Variants in PKD1L1 observed in about 807,000 individuals in gnomAD.
The protein encoded by PKD1L1 is polycystin 1 like 1, transient receptor potential channel interacting.
In PKD1L1, 236 loss-of-function variants were observed where a neutral mutation model predicts 323.4. The observed-to-expected ratio is 0.73, with a 90% CI of 0.66 to 0.81. The LOEUF (loss-of-function observed/expected upper bound fraction) is 0.81. Ranked by LOEUF, PKD1L1 falls within the 40% of genes least tolerant of loss-of-function variation. PKD1L1 has a pLI of 0.00. For synonymous variants in PKD1L1, 1,344 were observed against 1,335.0 expected (o/e 1.01, Z -0.15); for missense variants, 3,320 against 3,508.0 (o/e 0.95, Z 1.35).
At position 47,905,278 on chromosome 7, in the gene PKD1L1, T is replaced by A. The variant is rs753122945; in HGVS notation, c.1570A>T (p.Ile524Phe). The A allele has an allele frequency of 6.2e-7, 1 of 1,614,184 alleles. No homozygotes were observed. The highest frequency in any genetic ancestry group is 1.1e-5 in the South Asian group (1 of 91,074). Reference sequence around the variant, plus strand: ...TCCTTGGTAACAGCTGTAAATGTAATGTCTGTGTCTGTGGCAAACACAGTT... The same window carrying A: ...TCCTTGGTAACAGCTGTAAATGTAAAGTCTGTGTCTGTGGCAAACACAGTT... ...NGTVFATDTDITFTAVTKETI... is the reference protein window; with the variant it reads ...NGTVFATDTDFTFTAVTKETI... The change falls in exon 11 of 57, where the codon ATT (isoleucine) becomes TTT (phenylalanine). Residue 524 changes from isoleucine to phenylalanine, a missense_variant. Transcript: ENST00000289672.
intron 29 of PKD1L1, 39 bp from the exon 30 acceptor site, chr7:47,855,078 T>C (rs1379026529): frequency 1.1e-5 from 17 of 1,607,910 alleles, no homozygotes; most frequent in Non-Finnish European, 1.4e-5. Flanking sequence ...AAAATTTGCC[T>C]TTGGTAAAAT....
At chr7:47,851,593 G>A (rs1785784196) in intron 31 of PKD1L1, among the ~76,000 whole-genome samples, 1 of 151,996 alleles carries the variant, frequency 6.6e-6, no homozygotes, top group African/African-American at 2.4e-5. Flanking sequence ...AAAATCATGG[G>A]GTGACAGTTT....
intron 56 of PKD1L1, among the ~76,000 whole-genome samples, chr7:47,779,768 C>T (rs918050029): frequency 6.6e-6 from 1 of 152,090 alleles, no homozygotes; most frequent in East Asian, 1.9e-4. Flanking sequence ...CTGAGCAATT[C>T]GGGATGTCCA....
intron 8 of PKD1L1, among the ~76,000 whole-genome samples, chr7:47,910,330 ACTTT>A (rs1787291840): frequency 1.3e-5 from 2 of 148,218 alleles, no homozygotes; most frequent in Non-Finnish European, 3.0e-5. Flanking sequence ...GGCATATCTT[ACTTT>A]CTTTTTTTTT....
intron 14 of PKD1L1, among the ~76,000 whole-genome samples, chr7:47,896,117 G>A (rs1004086685): frequency 1.3e-5 from 2 of 152,036 alleles, no homozygotes; most frequent in African/African-American, 2.4e-5. Flanking sequence ...CAGGCAAATT[G>A]CTTGAGCCCA....
intron 7 of PKD1L1, among the ~76,000 whole-genome samples, chr7:47,926,001 C>T (rs1787650768): frequency 6.6e-6 from 1 of 152,222 alleles, no homozygotes; most frequent in Non-Finnish European, 1.5e-5. Context: ...TGGTTCATGC[C>T]TGTAATCCCA....
chr7:47,886,317 G>C (rs564485973), intron 17 of PKD1L1, among the ~76,000 whole-genome samples: 75 of 151,908 alleles, frequency 4.9e-4, no homozygotes, highest in African/African-American at 1.7e-3. Flanking sequence ...TTCCAAGTCG[G>C]GGGGGAGGGA....
the PKD1L1 span, among the ~76,000 whole-genome samples, chr7:47,955,036 G>A: frequency 7.9e-5 from 12 of 152,282 alleles, no homozygotes; most frequent in South Asian, 2.1e-4. Context: ...AGTCCTGTGC[G>A]TGGCTGGTCT....
At chr7:47,938,015 C>T (rs762198112) in intron 3 of PKD1L1, among the ~76,000 whole-genome samples, 16 of 152,118 alleles carry the variant, frequency 1.1e-4, no homozygotes, top group African/African-American at 2.9e-4. Context: ...CTACACAGGA[C>T]GCCTGTCCAG....
Position 47,774,861 on chromosome 7 carries a change from A to T in PKD1L1, c.*282T>A. On this transcript the variant is annotated 3_prime_UTR_variant, in exon 57 of 57. Transcript: ENST00000289672. ...AACAAATAAGACAATATGTAACTCT[A>T]GGGCAACTGGCAAATTAACCATTTG... 2.7e-6 allele frequency: 1 copy of T among 372,308 alleles called. No individual in the cohort carries two copies. The highest frequency in any genetic ancestry group is 4.8e-6 in the Non-Finnish European group (1 of 207,160). 23.1% of individuals were successfully genotyped at this position (372,308 alleles called of 1,614,324 possible). A position where few individuals can be genotyped will look rare whatever the true frequency, so the allele number is the denominator to read the frequency against.
At chr7:47,860,816 G>GT (rs1487080853) in intron 26 of PKD1L1, among the ~76,000 whole-genome samples, 2 of 138,754 alleles carry the variant, frequency 1.4e-5, no homozygotes, top group Non-Finnish European at 3.2e-5. Context: ...TGCACAAGAG[G>GT]GACAATGGCA....
intron 55 of PKD1L1, among the ~76,000 whole-genome samples, chr7:47,793,530 T>A (rs1312910439): frequency 6.6e-6 from 1 of 152,234 alleles, no homozygotes; most frequent in African/African-American, 2.4e-5. Context: ...TCGCCATGAT[T>A]CTGAGGCCTC....
intron 4 of PKD1L1, among the ~76,000 whole-genome samples, chr7:47,933,898 G>C (rs1787818981): frequency 6.6e-6 from 1 of 152,162 alleles, no homozygotes; most frequent in Non-Finnish European, 1.5e-5. Flanking sequence ...CTCGTGATGA[G>C]AGCTTGACAT....
At chr7:47,953,745 T>C in the PKD1L1 span, among the ~76,000 whole-genome samples, 2 of 152,230 alleles carry the variant, frequency 1.3e-5, no homozygotes, top group African/African-American at 4.8e-5. Flanking sequence ...GAAGTGTTAA[T>C]GAGGAAGTCC....
intron 49 of PKD1L1, among the ~76,000 whole-genome samples, chr7:47,812,548 C>T (rs1784923110): frequency 6.6e-6 from 1 of 152,152 alleles, no homozygotes; most frequent in Non-Finnish European, 1.5e-5. Flanking sequence ...CTAGACCTCC[C>T]CGTTGCTCTA....
At chr7:47,901,677 G>A (rs1044848545) in intron 13 of PKD1L1, among the ~76,000 whole-genome samples, 23 of 152,348 alleles carry the variant, frequency 1.5e-4, no homozygotes, top group African/African-American at 2.9e-4. Context: ...GACCCTTTCC[G>A]GATTGCCCCG....
intron 7 of PKD1L1, among the ~76,000 whole-genome samples, chr7:47,920,474 A>G (rs1562990483): frequency 6.6e-6 from 1 of 152,184 alleles, no homozygotes; most frequent in Non-Finnish European, 1.5e-5. Flanking sequence ...TGCCAAAAGC[A>G]ATCTACAAAT....
chr7:47,782,075 G>A (rs1786710828), intron 56 of PKD1L1, among the ~76,000 whole-genome samples: 1 of 152,106 alleles, frequency 6.6e-6, no homozygotes, highest in Non-Finnish European at 1.5e-5. Context: ...GTTGATTGCT[G>A]TGGCTGCATA....
At chr7:47,890,363 C>T (rs530954910) in intron 16 of PKD1L1, among the ~76,000 whole-genome samples, 179 bp downstream of exon 16, 4 of 152,208 alleles carry the variant, frequency 2.6e-5, no homozygotes, top group Non-Finnish European at 4.4e-5. Flanking sequence ...AGCCCGAGAG[C>T]GGGGACTGCT....
Sources: allele counts gnomAD v4.1 joint callset (sites outside exome capture counted in the v4.1 genomes callset), GRCh38; gene constraint gnomAD v4.1.1; transcripts MANE v1.5; gene names NCBI Gene and HGNC (gene_info 2026-07-23, HGNC 2026-07-21).